VPS26C: variants seen among roughly 807,000 people sequenced by gnomAD.
The protein encoded by VPS26C is VPS26 endosomal protein sorting factor C.
Under a neutral mutation model 30.6 loss-of-function variants are expected in VPS26C, and 19 were observed. The ratio of observed to expected loss-of-function variants is 0.62; its 90% CI spans 0.43 to 0.91. The LOEUF is 0.91. VPS26C is among the 40% of genes least tolerant of loss of function. The probability of loss-of-function intolerance (pLI) is 0.00; values close to 1 mark genes in which losing one functional copy is unlikely to be tolerated. For missense variants in VPS26C, 318 were observed against 385.1 expected, an observed-to-expected ratio of 0.83 and a Z score of 1.46; for synonymous variants, 132 against 151.5, an observed-to-expected ratio of 0.87 and a Z score of 0.95.
intron 5 of VPS26C, chr21:37,232,106 C>T (rs1418496633): frequency 4.5e-6 from 2 of 440,438 alleles, no homozygotes; most frequent in Non-Finnish European, 8.1e-6. Flanking sequence ...GTCTTGGGGG[C>T]CCATGATGCA....
At chr21:37,244,623 G>A (rs2086118996) in intron 1 of VPS26C, among the ~76,000 whole-genome samples, 1 of 152,178 alleles carries the variant, frequency 6.6e-6, no homozygotes, top group Non-Finnish European at 1.5e-5. Context: ...ACCATAATTG[G>A]AACTCTGGAT....
Position 37,228,174 on chromosome 21 carries a change from GC to G in VPS26C, c.658+48del. 1.9e-6 allele frequency: 3 copies of G among 1,588,574 alleles called. No individual in the cohort carries two copies. The South Asian group carries it at 3.4e-5, about 18-fold the overall frequency. On this transcript the variant is annotated intron_variant, in intron 6 of 7. Transcript: ENST00000309117. The stretch of plus-strand genomic sequence containing the variant: ...CTCTTAACCATGGAACGTGAGGGTG[GC>G]AGTCGAGGGGGACAGGCAAGCGCCA...
chr21:37,267,424 G>T, upstream of VPS26C: 2 of 775,884 alleles, frequency 2.6e-6, no homozygotes, highest in Non-Finnish European at 2.2e-6. Flanking sequence ...TGACCTCGCA[G>T]CGGCGTCGCA....
chr21:37,255,850 C>CTTTTTTTTTT (rs2086236577), intron 1 of VPS26C, among the ~76,000 whole-genome samples: 1 of 63,472 alleles, frequency 1.6e-5, no homozygotes, highest in African/African-American at 9.1e-5. Context: ...CTATGCACTG[C>CTTTTTTTTTT]ATTTTTTTTT....
chr21:37,226,002 A>C lies in VPS26C; in HGVS notation c.812-376T>G, dbSNP rs151178792. The C allele has an allele frequency of 7.8e-5, 18 of 230,378 alleles. No homozygotes were observed. The highest frequency in any genetic ancestry group is 1.4e-4 in the Non-Finnish European group (16 of 112,154). The allele number at this position is 230,378 out of a possible 1,614,324, so 14.3% of individuals were successfully genotyped here. A position where few individuals can be genotyped will look rare whatever the true frequency, so the allele number is the denominator to read the frequency against. On this transcript the variant is annotated intron_variant, in intron 7 of 7. Coordinates refer to ENST00000309117, the MANE Select transcript of VPS26C (RefSeq NM_006052.2). The surrounding 1 kb of genome is among the most constrained non-coding windows in gnomAD (Gnocchi z 4.1). ...TACATTTCCTACGGTTCTTAATGAAATAGCAGACTGTGAACCAGCGCATAG... is the reference window on the plus strand; with the variant it reads ...TACATTTCCTACGGTTCTTAATGAACTAGCAGACTGTGAACCAGCGCATAG...
chr21:37,227,711 T>A lies in VPS26C; in HGVS notation c.754A>T (p.Met252Leu). Residue 252 changes from methionine (M) to leucine (L), a missense_variant, in exon 7 of 8, where the codon ATG becomes TTG. Physicochemically the swap from Met to Leu is conservative, Grantham distance 15 (BLOSUM62 2). Transcript: ENST00000309117. ...CAGGTGAACAGCCTAGGGAAGACCA[T>A]GTAGATGGGGACAGAGAGGCCCCTG... ...VCRGLSVPIY[M>L]VFPRLFTCPT... The A allele has an allele frequency of 6.2e-7, 1 of 1,614,104 alleles. No homozygotes were observed. Among genetic ancestry groups the A allele is most frequent in the East Asian group, 2.2e-5 (1 of 44,868 alleles).
At chr21:37,230,298 G>A (rs1376494458) in intron 5 of VPS26C, among the ~76,000 whole-genome samples, 2 of 152,180 alleles carry the variant, frequency 1.3e-5, no homozygotes, top group East Asian at 3.8e-4. Context: ...TCAAGATACT[G>A]ACTAAACAAT....
chr21:37,247,618 C>T (rs981335325), intron 1 of VPS26C, among the ~76,000 whole-genome samples: 4 of 152,108 alleles, frequency 2.6e-5, no homozygotes, highest in Non-Finnish European at 5.9e-5. Context: ...GTCATATTAA[C>T]AAATGAGCCA....
Position 37,225,471 on chromosome 21 carries a change from TC to T in VPS26C, c.*72del. On this transcript the variant is annotated 3_prime_UTR_variant, in exon 8 of 8. Transcript: ENST00000309117. ...ACAAGTATATGCCGCTGGCTGTAGC[TC>T]CCCTTAGGATTTGGATAACCAGCTG... 1.5e-5 allele frequency: 19 copies of T among 1,288,618 alleles called. No individual in the cohort carries two copies. In the South Asian group the frequency reaches 2.3e-4, roughly 15 times the overall value. 79.8% of individuals were successfully genotyped at this position (1,288,618 alleles called of 1,614,324 possible). A position where few individuals can be genotyped will look rare whatever the true frequency, so the allele number is the denominator to read the frequency against.
intron 1 of VPS26C, chr21:37,261,587 G>C (rs1044359997): frequency 6.6e-6 from 1 of 151,872 alleles, no homozygotes; most frequent in Non-Finnish European, 1.5e-5. Context: ...ATTTTTGTAA[G>C]GCTATGGGTG....
intron 1 of VPS26C, among the ~76,000 whole-genome samples, chr21:37,253,075 A>T (rs2086209677): frequency 6.6e-6 from 1 of 152,144 alleles, no homozygotes; most frequent in Admixed American, 6.5e-5. Context: ...AAATAGTTAT[A>T]TTACTTTCTG....
chr21:37,257,970 G>GCTGCA lies in VPS26C; in HGVS notation c.57+9263_57+9267dup, dbSNP rs763549823. ...GGCAGCGCCCACCAGCCTGCGCTGC[G>GCTGCA]CTGCACATGGTACCCGCGGCCCCAG... is the stretch of plus-strand genomic sequence containing the variant. On this transcript the variant is annotated intron_variant, in intron 1 of 7. Transcript: ENST00000309117. This position sits in a 1 kb window ranked among gnomAD's most constrained non-coding sequence, Gnocchi z 4.2. 1.4e-4 allele frequency among the ~76,000 whole-genome samples: 21 copies of GCTGCA among 147,270 alleles called. No homozygotes were observed. The highest frequency in any genetic ancestry group is 3.4e-3 in the Middle Eastern group (1 of 294).
rs1261888903 is a variant in VPS26C at position 37,257,189 on chromosome 21, A to G, written c.57+10049T>C. Among the ~76,000 whole-genome samples, 1 of 152,250 alleles carries G rather than the reference A, an allele frequency of 6.6e-6. No homozygotes were observed. Among genetic ancestry groups the G allele is most frequent in the Non-Finnish European group, 1.5e-5 (1 of 68,038 alleles). On this transcript the variant is annotated intron_variant, in intron 1 of 7. Coordinates refer to ENST00000309117, the MANE Select transcript of VPS26C (RefSeq NM_006052.2). The surrounding 1 kb of genome is among the most constrained non-coding windows in gnomAD (Gnocchi z 4.2). ...AAAGCAAATATATGTAAAAATAGGAAGTGCGGTTTCCCAAAATGAGGTCTG... is the reference window on the plus strand; with the variant it reads ...AAAGCAAATATATGTAAAAATAGGAGGTGCGGTTTCCCAAAATGAGGTCTG...
intron 5 of VPS26C, among the ~76,000 whole-genome samples, chr21:37,231,033 G>A (rs986676838): frequency 2.0e-5 from 3 of 152,332 alleles, no homozygotes; most frequent in Middle Eastern, 3.4e-3. Flanking sequence ...CCCCGGCCAC[G>A]TGCCACACCC....
chr21:37,256,242 A>T (rs955074147), intron 1 of VPS26C, among the ~76,000 whole-genome samples: 1 of 152,234 alleles, frequency 6.6e-6, no homozygotes, highest in Non-Finnish European at 1.5e-5. Context: ...GCCTCTTGCT[A>T]GTCACAACAT....
At chr21:37,262,170 G>A (rs2086311391) in intron 1 of VPS26C, among the ~76,000 whole-genome samples, 1 of 152,166 alleles carries the variant, frequency 6.6e-6, no homozygotes, top group Admixed American at 6.5e-5. Context: ...AGATGAGGAT[G>A]AGCAACTATA....
chr21:37,233,308 G>T lies in VPS26C; in HGVS notation c.432+54C>A. 1 of 1,469,888 alleles carries T rather than the reference G, an allele frequency of 6.8e-7. No individual in the cohort carries two copies. Among genetic ancestry groups the T allele is most frequent in the Non-Finnish European group, 9.5e-7 (1 of 1,048,962 alleles). 91.1% of individuals were successfully genotyped at this position (1,469,888 alleles called of 1,614,324 possible). ...AGCTTGTAAATAGGGTAAACTCTCA[G>T]ACCCCATGGGAGATTCCTATCATTA... On this transcript the variant is annotated intron_variant, in intron 4 of 7. Transcript: ENST00000309117. The surrounding 1 kb of genome is among the most constrained non-coding windows in gnomAD (Gnocchi z 5.2).
upstream of VPS26C, chr21:37,267,393 C>G: frequency 9.0e-7 from 1 of 1,114,940 alleles, no homozygotes; most frequent in Non-Finnish European, 1.3e-6. Flanking sequence ...CCCTTTCCCT[C>G]TCTGCCGGCA....
At chr21:37,229,021 TA>T (rs34876815) in intron 5 of VPS26C, 95,592 of 149,844 alleles carry the variant, frequency 0.64, 30,487 homozygotes, top group East Asian at 0.76. Flanking sequence ...TGCTGTCTCT[TA>T]AAAAAAAAAA....
Sources: gnomAD v4.1 joint callset for allele counts (sites outside exome capture counted in the v4.1 genomes callset) on GRCh38, gnomAD v4.1.1 for gene constraint, Gnocchi (gnomAD v3.1) non-coding constraint, MANE v1.5 for transcripts, NCBI Gene and HGNC (gene_info 2026-07-23, HGNC 2026-07-21) for gene names.